The following STIM1 variants were observed in gnomAD, a reference collection of about 807,000 sequenced individuals.
STIM1 encodes stromal interaction molecule 1.
STIM1 carries 25 observed loss-of-function variants against 74.7 expected under a neutral mutation model. That is an observed-to-expected ratio of 0.33 (90% CI 0.24 to 0.47). The LOEUF (loss-of-function observed/expected upper bound fraction) is 0.47, where lower values mean the gene tolerates loss of function less well. Ranked by LOEUF, STIM1 falls within the 20% of genes least tolerant of loss-of-function variation. The pLI is 1.00. For missense variants in STIM1, 728 were observed against 920.8 expected (o/e 0.79, Z 2.71); for synonymous variants, 328 against 348.8 (o/e 0.94, Z 0.66).
At chr11:4,073,048 G>GTTTTTTTT (rs56009858) in intron 6 of STIM1, among the ~76,000 whole-genome samples, 5 of 82,798 alleles carry the variant, frequency 6.0e-5, no homozygotes, top group African/African-American at 2.1e-4. Context: ...GGACTTAGAG[G>GTTTTTTTT]TTTTTTTTTT....
intron 1 of STIM1, among the ~76,000 whole-genome samples, chr11:3,905,177 C>T (rs1402860031): frequency 6.6e-6 from 1 of 151,880 alleles, no homozygotes; most frequent in Non-Finnish European, 1.5e-5. Context: ...AATGAGGCTA[C>T]TGAGTCATTG....
intron 2 of STIM1, among the ~76,000 whole-genome samples, chr11:4,013,340 A>C (rs1255119683): frequency 6.6e-6 from 1 of 152,112 alleles, no homozygotes; most frequent in Non-Finnish European, 1.5e-5. Flanking sequence ...TTGGCTGTGA[A>C]TCCATCTGGT....
intron 2 of STIM1, among the ~76,000 whole-genome samples, chr11:4,022,397 T>C (rs1165475158): frequency 6.6e-6 from 1 of 151,142 alleles, no homozygotes; most frequent in Non-Finnish European, 1.5e-5. Context: ...GCAGTTTGAC[T>C]TCCTTCTTTC....
intron 2 of STIM1, among the ~76,000 whole-genome samples, chr11:3,983,028 G>C (rs1215631602): frequency 6.6e-6 from 1 of 152,076 alleles, no homozygotes; most frequent in Non-Finnish European, 1.5e-5. Context: ...ATCTCCTAGG[G>C]TCAAGTGATT....
chr11:4,024,066 A>G, intron 3 of STIM1, 79 bp downstream of exon 3: 1 of 1,192,104 alleles, frequency 8.4e-7, no homozygotes, highest in Non-Finnish European at 1.2e-6. Flanking sequence ...CCTTAGAAGA[A>G]CATGTATATA....
Position 3,871,238 on chromosome 11 carries a change from C to T in STIM1, c.139+14829C>T, listed in dbSNP as rs115514361. Among the ~76,000 whole-genome samples, 1,002 of 152,254 alleles carry T rather than the reference C, an allele frequency of 6.6e-3. 14 individuals carry two copies. The highest frequency in any genetic ancestry group is 0.024 in the African/African-American group (977 of 41,540). ...TCCCTCAGGGTCTTCTGCCAACCTT[C>T]ATGTGGGCTCAAAGTGGAGGCAAAG... On this transcript the variant is annotated intron_variant, in intron 1 of 12. Coordinates refer to ENST00000526596, the MANE Select transcript of STIM1 (RefSeq NM_001382567.1).
At chr11:4,086,709 T>C (rs1565172340) in intron 12 of STIM1, 166 bp downstream of exon 12, 2 of 1,538,302 alleles carry the variant, frequency 1.3e-6, no homozygotes, top group African/African-American at 1.4e-5. Context: ...CCATCACCAC[T>C]ACCACCACCA....
At chr11:3,871,733 A>G (rs1590511422) in intron 1 of STIM1, among the ~76,000 whole-genome samples, 1 of 152,146 alleles carries the variant, frequency 6.6e-6, no homozygotes, top group South Asian at 2.1e-4. Context: ...TGGTTTAATA[A>G]AAAGACCATG....
rs888068751 is a variant in STIM1, at chr11:3,884,265, C to T, written c.139+27856C>T. 6.6e-5 allele frequency among the ~76,000 whole-genome samples: 10 copies of T among 152,156 alleles called. No individual in the cohort carries two copies. The East Asian group carries it at 1.9e-3, about 29-fold the overall frequency. On this transcript the variant is annotated intron_variant, in intron 1 of 12. Transcript: ENST00000526596. Reference sequence around the variant, plus strand: ...TGTCTATAAAATGGGTACAAGAGTCCCTGCCCTGGTATTGTGGGAGTGTTG... The same window carrying T: ...TGTCTATAAAATGGGTACAAGAGTCTCTGCCCTGGTATTGTGGGAGTGTTG...
At chr11:4,006,317 G>A (rs1202660901) in intron 2 of STIM1, among the ~76,000 whole-genome samples, 1 of 152,178 alleles carries the variant, frequency 6.6e-6, no homozygotes, top group Non-Finnish European at 1.5e-5. Flanking sequence ...CTCCCCAGAA[G>A]CAGAAGCTGC....
rs755346239 is a variant in STIM1 at position 4,091,751 on chromosome 11, C to T, written c.2104C>T (p.Arg702Trp). ...CGAGGAAACAGACTCCAGCCCAGGCCGGAAGAAGTTTCCCCTCAAAATCTT... is the reference window on the plus strand; with the variant it reads ...CGAGGAAACAGACTCCAGCCCAGGCTGGAAGAAGTTTCCCCTCAAAATCTT... ...IGEETDSSPG[R>W]KKFPLKIFKK... The change falls in exon 13 of 13, where the codon CGG becomes TGG. Residue 702 changes from arginine (R) to tryptophan (W), a missense_variant. Arg to Trp is a moderately radical substitution (Grantham distance 101, BLOSUM62 -3). Coordinates refer to ENST00000526596, the MANE Select transcript of STIM1 (RefSeq NM_001382567.1). The T allele has an allele frequency of 1.3e-5, 21 of 1,611,842 alleles. No homozygotes were observed. The highest frequency in any genetic ancestry group is 5.3e-5 in the African/African-American group (4 of 74,918).
intron 2 of STIM1, among the ~76,000 whole-genome samples, chr11:3,990,950 C>T (rs138907665): frequency 1.3e-5 from 2 of 151,992 alleles, no homozygotes; most frequent in South Asian, 4.1e-4. Flanking sequence ...TTTTTTCAGT[C>T]CTTCTCCCTA....
intron 1 of STIM1, among the ~76,000 whole-genome samples, chr11:3,923,258 T>G (rs2092742720): frequency 6.6e-6 from 1 of 152,172 alleles, no homozygotes. Context: ...GTAATGATTC[T>G]AGGTACATTT....
intron 2 of STIM1, among the ~76,000 whole-genome samples, chr11:4,008,714 G>T (rs2093806549): frequency 6.6e-6 from 1 of 152,118 alleles, no homozygotes; most frequent in Non-Finnish European, 1.5e-5. Flanking sequence ...CTCAGGCTAG[G>T]ACCATGGAGA....
chr11:4,029,582 T>A (rs996276517), intron 3 of STIM1, among the ~76,000 whole-genome samples: 2 of 7,316 alleles, frequency 2.7e-4, no homozygotes, highest in African/African-American at 5.2e-4. Flanking sequence ...GTGGGCGGGG[T>A]GGGGGTGGGA....
At chr11:3,940,434 A>G (rs948277539) in intron 1 of STIM1, among the ~76,000 whole-genome samples, 31 of 152,208 alleles carry the variant, frequency 2.0e-4, no homozygotes, top group African/African-American at 5.5e-4. Context: ...GAAAGAGTGT[A>G]TGCTTTAGAA....
At chr11:4,071,847 T>C (rs895986351) in intron 6 of STIM1, among the ~76,000 whole-genome samples, 2 of 152,168 alleles carry the variant, frequency 1.3e-5, no homozygotes, top group Non-Finnish European at 2.9e-5. Flanking sequence ...AGTAGTGAAC[T>C]AGGAATTTTG....
rs1565104727 is a variant in STIM1 at position 3,895,663 on chromosome 11, TTTCTTTCTTTCCTTCC to T, written c.139+39258_139+39273del. 5.0e-3 allele frequency among the ~76,000 whole-genome samples: 163 copies of T among 32,424 alleles called. 3 individuals are homozygous for T. The highest frequency in any genetic ancestry group is 0.013 in the African/African-American group (76 of 6,018). 21.3% of individuals were successfully genotyped at this position (32,424 alleles called of 152,430 possible). A position where few individuals can be genotyped will look rare whatever the true frequency, so the allele number is the denominator to read the frequency against. Reference sequence around the variant, plus strand: ...CTTTCTTTCTTTCTTTCTTTCTTTCTTTCTTTCTTTCCTTCCTTCCTTCTTTCTTTCTTTCTTTCTT... The same window carrying T: ...CTTTCTTTCTTTCTTTCTTTCTTTCTTTCCTTCTTTCTTTCTTTCTTTCTT... On this transcript the variant is annotated intron_variant, in intron 1 of 12. Coordinates refer to ENST00000526596, the MANE Select transcript of STIM1 (RefSeq NM_001382567.1).
intron 5 of STIM1, among the ~76,000 whole-genome samples, chr11:4,059,731 G>T (rs1332449798): frequency 1.3e-5 from 2 of 152,168 alleles, no homozygotes; most frequent in Non-Finnish European, 2.9e-5. Context: ...ATGAGGGCTA[G>T]TGAAGGTATC....
Sources: allele counts gnomAD v4.1 joint callset (sites outside exome capture counted in the v4.1 genomes callset), GRCh38; gene constraint gnomAD v4.1.1; transcripts MANE v1.5; gene names NCBI Gene and HGNC (gene_info 2026-07-23, HGNC 2026-07-21).